PARD3: variants seen among roughly 807,000 people sequenced by gnomAD.
PARD3 encodes the protein par-3 family cell polarity regulator.
A neutral mutation model predicts 155.4 loss-of-function variants in PARD3; 75 were observed. The observed-to-expected ratio is 0.48, with a 90% CI of 0.40 to 0.58. The LOEUF (loss-of-function observed/expected upper bound fraction) is 0.58, where lower values mean the gene tolerates loss of function less well. PARD3 is among the 20% of genes least tolerant of loss of function. The pLI is 0.00. For synonymous variants in PARD3, 576 were observed against 610.5 expected (o/e 0.94, Z 0.83); for missense variants, 1,642 against 1,721.7 (o/e 0.95, Z 0.82).
intron 2 of PARD3, among the ~76,000 whole-genome samples, chr10:34,600,961 AATT>A: frequency 1.0e-5 from 1 of 96,052 alleles, no homozygotes; most frequent in African/African-American, 4.3e-5. Flanking sequence ...CCATTTTTTT[AATT>A]TTTTTTTTTT....
intron 23 of PARD3, among the ~76,000 whole-genome samples, chr10:34,122,139 G>T (rs896329337): frequency 1.3e-5 from 2 of 152,184 alleles, no homozygotes; most frequent in African/African-American, 4.8e-5. Flanking sequence ...TTTTCACTCA[G>T]TGTAAACTAT....
At chr10:34,225,876 A>G (rs1363222459) in intron 22 of PARD3, among the ~76,000 whole-genome samples, 1 of 152,236 alleles carries the variant, frequency 6.6e-6, no homozygotes, top group Non-Finnish European at 1.5e-5. Context: ...AGGAAAATAA[A>G]GTTGAAAAAT....
At chr10:34,351,654 T>C (rs1047114185) in intron 14 of PARD3, among the ~76,000 whole-genome samples, 1 of 152,206 alleles carries the variant, frequency 6.6e-6, no homozygotes, top group South Asian at 2.1e-4. Flanking sequence ...GGTGAGCTCC[T>C]CAAGTCAGCA....
rs372764569 is a variant in PARD3 at position 34,435,719 on chromosome 10, A to G, written c.714+14598T>C. Among the ~76,000 whole-genome samples the G allele has an allele frequency of 2.0e-5, 3 of 152,370 alleles. No individual in the cohort carries two copies. In the East Asian group the frequency reaches 5.8e-4, roughly 29 times the overall value. The stretch of plus-strand genomic sequence containing the variant: ...ACATAGGTGGCTTCTATACTATCAT[A>G]TAACATACAGTCTAAGACATAACAG... On this transcript the variant is annotated intron_variant, in intron 5 of 24. Transcript: ENST00000374788.
chr10:34,776,267 T>C (rs1839512275), intron 1 of PARD3, among the ~76,000 whole-genome samples: 1 of 152,172 alleles, frequency 6.6e-6, no homozygotes, highest in African/African-American at 2.4e-5. Context: ...ATCTCTAAGC[T>C]CTGAGAACTA....
intron 7 of PARD3, among the ~76,000 whole-genome samples, chr10:34,395,843 C>CAAAAAAAA (rs1173283584): frequency 8.6e-5 from 2 of 23,300 alleles, no homozygotes; most frequent in Non-Finnish European, 1.1e-4. Flanking sequence ...GACTCCGTCT[C>CAAAAAAAA]AAAAAAAAAA....
chr10:34,685,541 G>A lies in PARD3; in HGVS notation c.222+10777C>T, dbSNP rs546919609. 1.4e-3 allele frequency among the ~76,000 whole-genome samples: 213 copies of A among 152,138 alleles called. 1 individual carries two copies. The highest frequency in any genetic ancestry group is 4.6e-3 in the African/African-American group (190 of 41,510). ...CAAAGGAAAAAACTCAGAGTAAACC[G>A]GTGGCTTAAACATTCTAAGGGAGTT... is the stretch of plus-strand genomic sequence containing the variant. On this transcript the variant is annotated intron_variant, in intron 2 of 24. Transcript: ENST00000374788.
chr10:34,695,309 T>C (rs2094146018), intron 2 of PARD3, among the ~76,000 whole-genome samples: 1 of 151,940 alleles, frequency 6.6e-6, no homozygotes, highest in South Asian at 2.1e-4. Context: ...ACCATGTCTC[T>C]ACTAAAAATA....
At chr10:34,312,404 GAC>G (rs762582517) in intron 20 of PARD3, 4 of 1,611,432 alleles carry the variant, frequency 2.5e-6, no homozygotes, top group Non-Finnish European at 2.5e-6. Context: ...ACACGGTACA[GAC>G]ACACAGTTAG....
At position 34,449,552 on chromosome 10, in the gene PARD3, G is replaced by C. The variant is rs531764339; in HGVS notation, c.714+765C>G. Among the ~76,000 whole-genome samples the C allele has an allele frequency of 1.6e-3, 232 of 149,626 alleles. 2 individuals are homozygous for C. Among genetic ancestry groups the C allele is most frequent in the African/African-American group, 5.6e-3 (222 of 39,394 alleles). On this transcript the variant is annotated intron_variant, in intron 5 of 24. Coordinates refer to ENST00000374788, the MANE Select transcript of PARD3 (RefSeq NM_001184785.2). ...ACCAACATGGCACATGTATACATAT[G>C]TAACAAATCTGCACATTGTGCACAT... is the stretch of plus-strand genomic sequence containing the variant.
At chr10:34,310,568 A>G (rs935364241) in intron 20 of PARD3, among the ~76,000 whole-genome samples, 15 of 152,374 alleles carry the variant, frequency 9.8e-5, no homozygotes, top group African/African-American at 3.4e-4. Flanking sequence ...AGAGAGGCCC[A>G]GCCGTCATGC....
At chr10:34,793,549 G>A (rs2134263778) in intron 1 of PARD3, among the ~76,000 whole-genome samples, 1 of 152,330 alleles carries the variant, frequency 6.6e-6, no homozygotes. Flanking sequence ...CACTTTGGGA[G>A]GCCAAGGCAG....
intron 1 of PARD3, among the ~76,000 whole-genome samples, chr10:34,745,310 T>A (rs1315868048): frequency 6.6e-6 from 1 of 151,890 alleles, no homozygotes; most frequent in Non-Finnish European, 1.5e-5. Context: ...TGCAGTGTAC[T>A]ATGATCATGC....
chr10:34,567,909 A>G (rs2086087197), intron 2 of PARD3, among the ~76,000 whole-genome samples: 1 of 152,220 alleles, frequency 6.6e-6, no homozygotes, highest in Non-Finnish European at 1.5e-5. Flanking sequence ...AGCAAGCATG[A>G]TTAGTTCACT....
chr10:34,453,982 T>G (rs772938754), intron 4 of PARD3, among the ~76,000 whole-genome samples: 4 of 152,216 alleles, frequency 2.6e-5, no homozygotes, highest in Non-Finnish European at 5.9e-5. Flanking sequence ...CAAAGGAATT[T>G]TCCTAATTCA....
intron 5 of PARD3, among the ~76,000 whole-genome samples, chr10:34,425,354 G>A (rs921264918): frequency 5.3e-5 from 8 of 152,110 alleles, no homozygotes; most frequent in East Asian, 1.9e-4. Context: ...TATGCACCCC[G>A]GCCACTAACA....
intron 5 of PARD3, among the ~76,000 whole-genome samples, chr10:34,440,658 G>A (rs1307234624): frequency 2.0e-5 from 3 of 151,980 alleles, no homozygotes; most frequent in African/African-American, 4.8e-5. Context: ...TTACTTCCCC[G>A]CTGCTTGCAG....
chr10:34,518,548 CA>C (rs1292813967), intron 2 of PARD3, among the ~76,000 whole-genome samples: 2 of 152,158 alleles, frequency 1.3e-5, no homozygotes, highest in Admixed American at 1.3e-4. Context: ...AAAGCGGAGA[CA>C]ACTTACAAAC....
chr10:34,283,722 G>A (rs1418350097), intron 21 of PARD3, among the ~76,000 whole-genome samples: 4 of 152,008 alleles, frequency 2.6e-5, no homozygotes, highest in Non-Finnish European at 5.9e-5. Flanking sequence ...TATTTAAAAT[G>A]TGATATAAAA....
Sources: allele counts gnomAD v4.1 joint callset (sites outside exome capture counted in the v4.1 genomes callset), GRCh38; gene constraint gnomAD v4.1.1; transcripts MANE v1.5; gene names NCBI Gene and HGNC (gene_info 2026-07-23, HGNC 2026-07-21).